Variants in TJP1 observed in about 807,000 individuals in gnomAD.
TJP1 encodes the protein tight junction protein ZO-1.
TJP1 carries 43 observed loss-of-function variants against 194.2 expected under a neutral mutation model. The ratio of observed to expected loss-of-function variants is 0.22; its 90% CI spans 0.17 to 0.29. The LOEUF is 0.29. Ranked by LOEUF, TJP1 falls within the 10% of genes least tolerant of loss-of-function variation. TJP1 has a pLI of 1.00. For synonymous variants in TJP1, 801 were observed against 779.0 expected (o/e 1.03, Z -0.47); for missense variants, 1,971 against 2,185.7 (o/e 0.90, Z 1.96).
At chr15:29,745,196 C>T (rs1000052937) in intron 8 of TJP1, among the ~76,000 whole-genome samples, 3 of 151,324 alleles carry the variant, frequency 2.0e-5, no homozygotes, top group African/African-American at 7.3e-5. Flanking sequence ...ACACTATTTA[C>T]ACCAAACTCA....
intron 8 of TJP1, among the ~76,000 whole-genome samples, chr15:29,756,045 A>C (rs943668594): frequency 2.0e-5 from 3 of 152,102 alleles, no homozygotes; most frequent in Non-Finnish European, 4.4e-5. Context: ...TATGAGGAAG[A>C]ATACAATCTA....
intron 1 of TJP1, among the ~76,000 whole-genome samples, chr15:29,960,290 A>T (rs1393892722): frequency 6.6e-6 from 1 of 152,166 alleles, no homozygotes; most frequent in Non-Finnish European, 1.5e-5. Flanking sequence ...GTGACAAAGT[A>T]AAACAGAAAA....
chr15:29,956,233 G>A, exon 2 of TJP1: 6 of 1,285,996 alleles, frequency 4.7e-6, no homozygotes, highest in Non-Finnish European at 5.1e-6. Flanking sequence ...TCCACTTACA[G>A]TGAGCTCACA....
rs772228549 is a variant in TJP1, at chr15:29,708,751, A to G, written c.4658T>C (p.Leu1553Pro). Reference sequence around the variant, plus strand: ...AGGTTTATGTGCAGTTTCACTTGGCAGAAGATTGTGATTGAATTTAGGACT... The same window carrying G: ...AGGTTTATGTGCAGTTTCACTTGGCGGAAGATTGTGATTGAATTTAGGACT... ...FESPKFNHNL[L>P]PSETAHKPDL... The change falls in exon 25 of 28, where the codon CTG becomes CCG. Residue 1553 changes from leucine to proline, a missense_variant. Leu to Pro is a moderately conservative substitution (Grantham distance 98, BLOSUM62 -3). This residue lies in a region of TJP1 where 1,108 missense variants were observed against 1,128.5 expected (regional missense o/e 0.98). Coordinates refer to ENST00000614355, the MANE Select transcript of TJP1 (RefSeq NM_001330239.4). 1 of 1,614,256 alleles carries G rather than the reference A, an allele frequency of 6.2e-7. No homozygotes were observed. The highest frequency in any genetic ancestry group is 1.1e-5 in the South Asian group (1 of 91,086).
chr15:29,866,004 A>G (rs1301968106), intron 2 of TJP1, among the ~76,000 whole-genome samples: 3 of 152,228 alleles, frequency 2.0e-5, no homozygotes, highest in South Asian at 4.1e-4. Flanking sequence ...TAAATCTGCA[A>G]TTAACAATCA....
At chr15:29,955,753 T>TAAAAAAAAAA (rs563535771) in intron 2 of TJP1, among the ~76,000 whole-genome samples, 1,045 of 35,736 alleles carry the variant, frequency 0.029, 87 homozygotes, top group East Asian at 0.08. Flanking sequence ...CCTGGCTCTT[T>TAAAAAAAAAA]AAAAAAAAAA....
In TJP1 at chr15:29,875,390, C is replaced by T. The variant is rs577111134; in HGVS notation, c.307-74688G>A. Reference sequence around the variant, plus strand: ...ACTTGTTGCCATTGAAAATTACAGCCGGCCTTATTGTCTTCAATTCATTTG... The same window carrying T: ...ACTTGTTGCCATTGAAAATTACAGCTGGCCTTATTGTCTTCAATTCATTTG... On this transcript the variant is annotated intron_variant, in intron 2 of 28. Transcript: ENST00000356107. Among the ~76,000 whole-genome samples the T allele has an allele frequency of 2.0e-4, 31 of 152,160 alleles. No homozygotes were observed. In the South Asian group the frequency reaches 4.4e-3, roughly 21 times the overall value.
intron 2 of TJP1, among the ~76,000 whole-genome samples, chr15:29,871,827 C>T (rs2052535784): frequency 6.6e-6 from 1 of 152,240 alleles, no homozygotes; most frequent in Non-Finnish European, 1.5e-5. Context: ...ATAACTGAAC[C>T]ATTGGCTAGC....
intron 1 of TJP1, among the ~76,000 whole-genome samples, chr15:29,961,954 T>C (rs540965556): frequency 2.0e-5 from 3 of 152,306 alleles, no homozygotes; most frequent in East Asian, 3.9e-4. Flanking sequence ...CTTGAATGTA[T>C]CTTCCCTGGT....
chr15:29,797,383 C>T (rs545700628), intron 2 of TJP1, among the ~76,000 whole-genome samples: 2 of 152,282 alleles, frequency 1.3e-5, no homozygotes, highest in East Asian at 3.9e-4. Context: ...TTCCTGGCCT[C>T]AAGTAATTTG....
At chr15:29,839,775 A>T (rs1455138220) in intron 2 of TJP1, among the ~76,000 whole-genome samples, 1 of 152,240 alleles carries the variant, frequency 6.6e-6, no homozygotes, top group African/African-American at 2.4e-5. Flanking sequence ...AATTGAAATG[A>T]TAAGTTGTAT....
At chr15:29,815,362 A>C (rs2049840742) in intron 1 of TJP1, among the ~76,000 whole-genome samples, 1 of 152,234 alleles carries the variant, frequency 6.6e-6, no homozygotes, top group Non-Finnish European at 1.5e-5. Flanking sequence ...TTAAAGTAAA[A>C]AGGTTTTTCA....
intron 8 of TJP1, among the ~76,000 whole-genome samples, chr15:29,743,633 G>C (rs2044571164): frequency 6.6e-6 from 1 of 152,092 alleles, no homozygotes; most frequent in African/African-American, 2.4e-5. Context: ...TGGCTGAGGT[G>C]GGAGAATTGC....
intron 1 of TJP1, among the ~76,000 whole-genome samples, chr15:29,960,827 T>C (rs1030322644): frequency 5.3e-5 from 8 of 152,038 alleles, no homozygotes; most frequent in Non-Finnish European, 8.8e-5. Context: ...TGAGGTAAAC[T>C]GTTAAAAGGC....
intron 1 of TJP1, among the ~76,000 whole-genome samples, chr15:29,818,647 G>A (rs1297156451): frequency 3.3e-5 from 5 of 150,804 alleles, no homozygotes; most frequent in Non-Finnish European, 7.4e-5. Context: ...GGGGATTACA[G>A]GTGCTCGCCA....
intron 8 of TJP1, among the ~76,000 whole-genome samples, chr15:29,755,739 GA>G (rs572363126): frequency 1.5e-4 from 23 of 152,212 alleles, no homozygotes; most frequent in Middle Eastern, 3.4e-3. Flanking sequence ...AAACACTTTA[GA>G]AAACAGTTTA....
intron 23 of TJP1, among the ~76,000 whole-genome samples, chr15:29,711,232 G>A (rs1369079355): frequency 2.0e-5 from 3 of 152,162 alleles, no homozygotes; most frequent in Non-Finnish European, 4.4e-5. Flanking sequence ...AAAACATCCA[G>A]AAGATGGCAA....
At chr15:29,716,030 C>T (rs1256130655) in intron 23 of TJP1, among the ~76,000 whole-genome samples, 1 of 152,068 alleles carries the variant, frequency 6.6e-6, no homozygotes, top group Non-Finnish European at 1.5e-5. Context: ...CCCACGCAGG[C>T]ACAAGAAAGG....
chr15:29,911,041 T>C (rs2053995630), intron 2 of TJP1, among the ~76,000 whole-genome samples: 1 of 152,248 alleles, frequency 6.6e-6, no homozygotes, highest in Non-Finnish European at 1.5e-5. Context: ...TGTACTATGA[T>C]GATCTTAGGG....
Sources: gnomAD v4.1 joint callset for allele counts (sites outside exome capture counted in the v4.1 genomes callset) on GRCh38, gnomAD v4.1.1 for gene constraint, gnomAD v4.1.1 regional missense constraint, MANE v1.5 for transcripts, NCBI Gene and HGNC (gene_info 2026-07-23, HGNC 2026-07-21) for gene names.